The following DPY19L4 variants were observed in gnomAD, a reference collection of about 807,000 sequenced individuals.
DPY19L4 encodes the protein dpy-19 like 4, also known as probable C-mannosyltransferase DPY19L4.
DPY19L4 carries 97 observed loss-of-function variants against 102.8 expected under a neutral mutation model. The ratio of observed to expected loss-of-function variants is 0.94; its 90% CI spans 0.80 to 1.12. DPY19L4 has a LOEUF of 1.12. Among genes scored for constraint, DPY19L4 ranks in the 50% most tolerant of loss-of-function variants. DPY19L4 has a pLI of 0.00. For missense variants in DPY19L4, 815 were observed against 850.4 expected (o/e 0.96, Z 0.52); for synonymous variants, 252 against 283.1 (o/e 0.89, Z 1.10).
At chr8:94,768,261 A>G (rs1316129120) in intron 11 of DPY19L4, 134 bp from the exon 12 acceptor site, 1 of 646,580 alleles carries the variant, frequency 1.5e-6, no homozygotes, top group Non-Finnish European at 2.6e-6. Context: ...TATAAAGGAT[A>G]GTACCTTGCT....
intron 8 of DPY19L4, among the ~76,000 whole-genome samples, chr8:94,764,777 T>A (rs1198459424): frequency 7.9e-6 from 1 of 125,948 alleles, no homozygotes; most frequent in Non-Finnish European, 1.6e-5. Flanking sequence ...TTGCCCAGGC[T>A]GGAGTGCAGT....
intron 1 of DPY19L4, among the ~76,000 whole-genome samples, chr8:94,720,447 A>G (rs748281901): frequency 2.6e-5 from 4 of 152,192 alleles, no homozygotes; most frequent in Non-Finnish European, 5.9e-5. Context: ...GCGAGGGAAC[A>G]TTCACCACGG....
At position 94,781,640 on chromosome 8, in the gene DPY19L4, G is replaced by A. The variant is rs151038001; in HGVS notation, c.1715+474G>A. The stretch of plus-strand genomic sequence containing the variant: ...TGTGTAACTCAGGGACCCTCAAAAG[G>A]CTACACTGGCAGTGAAAGGATAGAA... On this transcript the variant is annotated intron_variant, in intron 16 of 18. Transcript: ENST00000414645. Among the ~76,000 whole-genome samples, 745 of 152,256 alleles carry A rather than the reference G, an allele frequency of 4.9e-3. 4 individuals are homozygous for A. Among genetic ancestry groups the A allele is most frequent in the African/African-American group, 0.017 (711 of 41,550 alleles).
Position 94,747,590 on chromosome 8 carries a change from G to A in DPY19L4, c.611+7800G>A, listed in dbSNP as rs537499528. Reference sequence around the variant, plus strand: ...TTTTTTTTTTTTGAGACAGAGTCTCGCTCTGTTGCCCAGGCTGGAGTGCAG... The same window carrying A: ...TTTTTTTTTTTTGAGACAGAGTCTCACTCTGTTGCCCAGGCTGGAGTGCAG... On this transcript the variant is annotated intron_variant, in intron 6 of 18. Transcript: ENST00000414645. Among the ~76,000 whole-genome samples the A allele has an allele frequency of 3.9e-3, 512 of 131,968 alleles. 5 individuals carry two copies. The highest frequency in any genetic ancestry group is 0.014 in the African/African-American group (492 of 34,222). 86.6% of individuals were successfully genotyped at this position (131,968 alleles called of 152,430 possible). A position where few individuals can be genotyped will look rare whatever the true frequency, so the allele number is the denominator to read the frequency against.
At chr8:94,724,741 C>G (rs1297106131) in intron 1 of DPY19L4, among the ~76,000 whole-genome samples, 2 of 152,126 alleles carry the variant, frequency 1.3e-5, no homozygotes, top group Non-Finnish European at 2.9e-5. Flanking sequence ...GAGTGCACCA[C>G]CACACCCGGC....
At chr8:94,734,126 C>G (rs1158504077) in intron 2 of DPY19L4, among the ~76,000 whole-genome samples, 1 of 143,916 alleles carries the variant, frequency 6.9e-6, no homozygotes, top group Non-Finnish European at 1.5e-5. Flanking sequence ...GTGGCATGAT[C>G]TCGGCTTACT....
At position 94,756,064 on chromosome 8, in the gene DPY19L4, A is replaced by G. The variant is rs140964341; in HGVS notation, c.640A>G (p.Ile214Val). Residue 214 changes from isoleucine to valine, a missense_variant, in exon 7 of 19, where the codon ATT becomes GTT. By Grantham distance (29) the Ile-to-Val change is conservative (BLOSUM62 3). Coordinates refer to ENST00000414645, the MANE Select transcript of DPY19L4 (RefSeq NM_181787.3). ...RVDTTRIEYS[I>V]PLRENWALPY... is the part of the protein sequence containing the mutation. ...AGATACAACAAGAATTGAATACTCC[A>G]TTCCTTTAAGAGAAAACTGGGCACT... The G allele has an allele frequency of 2.3e-4, 370 of 1,612,922 alleles. No homozygotes were observed. The highest frequency in any genetic ancestry group is 1.4e-4 in the Non-Finnish European group (161 of 1,179,880).
rs776817000 is a variant in DPY19L4 at position 94,765,332 on chromosome 8, T to C, written c.1002+18T>C. 20 of 1,585,422 alleles carry C rather than the reference T, an allele frequency of 1.3e-5. No individual in the cohort carries two copies. Among genetic ancestry groups the C allele is most frequent in the Admixed American group, 2.0e-5 (1 of 50,624 alleles). ...GCCTTCAGGTAACTAGAATTATCTT[T>C]TTATTGTTCTTATTTTGATTTTTTT... On this transcript the variant is annotated intron_variant, in intron 9 of 18. Transcript: ENST00000414645.
At chr8:94,756,568 G>T (rs11985390) in intron 7 of DPY19L4, among the ~76,000 whole-genome samples, 1 of 152,126 alleles carries the variant, frequency 6.6e-6, no homozygotes, top group East Asian at 1.9e-4. Context: ...GCAGCACTGC[G>T]TATTCTGTTT....
chr8:94,736,512 A>T (rs1811195118), intron 3 of DPY19L4, among the ~76,000 whole-genome samples: 1 of 152,188 alleles, frequency 6.6e-6, no homozygotes, highest in African/African-American at 2.4e-5. Flanking sequence ...TGTTGATCAA[A>T]CTTTGTGAAA....
At chr8:94,764,689 G>GTGTGTGTGTGTGTATATATATATA (rs1415377058) in intron 8 of DPY19L4, among the ~76,000 whole-genome samples, 3 of 43,212 alleles carry the variant, frequency 6.9e-5, no homozygotes, top group African/African-American at 2.3e-4. Context: ...GTCTGTGTGT[G>GTGTGTGTGTGTGTATATATATATA]TATATATATA....
intron 8 of DPY19L4, among the ~76,000 whole-genome samples, chr8:94,764,603 A>G (rs1812552701): frequency 7.1e-6 from 1 of 141,746 alleles, no homozygotes; most frequent in Non-Finnish European, 1.5e-5. Context: ...GAAAACAGTG[A>G]TAAGTTAATT....
rs1436351494 is a variant in DPY19L4 at position 94,789,891 on chromosome 8, T to A, written c.2153T>A (p.Val718Glu). The part of the protein sequence containing the change: ...RSYFVYKINT[V>E]ISFQS Reference sequence around the variant, plus strand: ...TACTTTGTATATAAAATCAACACTGTGATATCCTTCCAGTCTTGAAAAATA... The same window carrying A: ...TACTTTGTATATAAAATCAACACTGAGATATCCTTCCAGTCTTGAAAAATA... The change falls in exon 19 of 19, where the codon GTG becomes GAG. Residue 718 changes from valine (V) to glutamate (E), a missense_variant. Transcript: ENST00000414645. The A allele has an allele frequency of 8.8e-6, 14 of 1,597,406 alleles. No homozygotes were observed. The highest frequency in any genetic ancestry group is 1.2e-5 in the Non-Finnish European group (14 of 1,175,492).
At chr8:94,760,210 T>A (rs1366612870) in intron 7 of DPY19L4, among the ~76,000 whole-genome samples, 1 of 152,186 alleles carries the variant, frequency 6.6e-6, no homozygotes, top group Non-Finnish European at 1.5e-5. Flanking sequence ...TAACAATTTG[T>A]TTTAGTATGT....
At position 94,739,430 on chromosome 8, in the gene DPY19L4, C is replaced by A. The variant is rs1282624523; in HGVS notation, c.361C>A (p.His121Asn). 4 of 1,585,974 alleles carry A rather than the reference C, an allele frequency of 2.5e-6. No individual in the cohort carries two copies. Among genetic ancestry groups the A allele is most frequent in the Admixed American group, 1.9e-5 (1 of 51,638 alleles). Reference protein sequence around the residue: ...SFERGVYELTHNNKTVSLKTI... With the variant: ...SFERGVYELTNNNKTVSLKTI... ...GTCTTTAGGTGTTTACGAACTGACA[C>A]ACAATAACAAAACTGTATCTCTGAA... The change falls in exon 5 of 19, where the codon CAC (histidine) becomes AAC (asparagine). Residue 121 changes from histidine to asparagine, a missense_variant. Coordinates refer to ENST00000414645, the MANE Select transcript of DPY19L4 (RefSeq NM_181787.3).
intron 6 of DPY19L4, among the ~76,000 whole-genome samples, chr8:94,751,772 G>C (rs1217719982): frequency 6.6e-6 from 1 of 152,200 alleles, no homozygotes; most frequent in East Asian, 1.9e-4. Flanking sequence ...TTACAGGTGT[G>C]AGCAAGCATG....
At position 94,726,451 on chromosome 8, in the gene DPY19L4, A is replaced by G; in HGVS notation, c.127+10A>G. ...GAAAGAGCTCCAAAACGTAAGTTAG[A>G]TAGACTTGGAATTTGTGCTACTACA... On this transcript the variant is annotated intron_variant, in intron 2 of 18. Transcript: ENST00000414645. The G allele has an allele frequency of 6.3e-7, 1 of 1,590,856 alleles. No individual in the cohort carries two copies.
chr8:94,781,112 T>C lies in DPY19L4; in HGVS notation c.1661T>C (p.Met554Thr). The stretch of plus-strand genomic sequence containing the variant: ...TTTCCCAGATTAATGACAGAATTAA[T>C]GGAACTACAGGAATTCTATGACCCA... ...EFFPRLMTEL[M>T]ELQEFYDPDT... Residue 554 changes from methionine (M) to threonine (T), a missense_variant, in exon 16 of 19, where the codon ATG becomes ACG. Coordinates refer to ENST00000414645, the MANE Select transcript of DPY19L4 (RefSeq NM_181787.3). The C allele has an allele frequency of 3.8e-6, 6 of 1,584,012 alleles. No individual in the cohort carries two copies. Among genetic ancestry groups the C allele is most frequent in the Non-Finnish European group, 5.1e-6 (6 of 1,170,210 alleles).
intron 6 of DPY19L4, among the ~76,000 whole-genome samples, chr8:94,750,614 G>A (rs1434003547): frequency 6.6e-6 from 1 of 151,862 alleles, no homozygotes; most frequent in African/African-American, 2.4e-5. Context: ...GAATGTATAT[G>A]TGAATAACTA....
Sources: gnomAD v4.1 joint callset for allele counts (sites outside exome capture counted in the v4.1 genomes callset) on GRCh38, gnomAD v4.1.1 for gene constraint, MANE v1.5 for transcripts, NCBI Gene and HGNC (gene_info 2026-07-23, HGNC 2026-07-21) for gene names.